WASHC5: variants seen among roughly 807,000 people sequenced by gnomAD.
The protein encoded by WASHC5 is WASH complex subunit 5.
A neutral mutation model predicts 150.4 loss-of-function variants in WASHC5; 101 were observed. The ratio of observed to expected loss-of-function variants is 0.67; its 90% CI spans 0.57 to 0.79. WASHC5 has a LOEUF of 0.79. WASHC5 is among the 30% of genes least tolerant of loss of function. The probability of loss-of-function intolerance (pLI) is 0.00; values close to 1 mark genes in which losing one functional copy is unlikely to be tolerated. For synonymous variants in WASHC5, 467 were observed against 491.2 expected, an observed-to-expected ratio of 0.95 and a Z score of 0.65; for missense variants, 1,195 against 1,396.3, an observed-to-expected ratio of 0.86 and a Z score of 2.30.
At chr8:125,035,810 A>T (rs752876877) in intron 26 of WASHC5, among the ~76,000 whole-genome samples, 21 of 152,364 alleles carry the variant, frequency 1.4e-4, no homozygotes, top group Non-Finnish European at 2.2e-4. Flanking sequence ...AAAGCTTATG[A>T]AATAGGAAAG....
At chr8:125,035,801 A>C (rs1377222011) in intron 26 of WASHC5, among the ~76,000 whole-genome samples, 1 of 152,234 alleles carries the variant, frequency 6.6e-6, no homozygotes, top group African/African-American at 2.4e-5. Flanking sequence ...CACCCTAAAA[A>C]AGCTTATGAA....
Position 125,038,843 on chromosome 8 carries a change from T to C in WASHC5, c.3071A>G (p.Asn1024Ser). Residue 1024 changes from asparagine to serine, a missense_variant, in exon 25 of 29, where the codon AAC becomes AGC. Coordinates refer to ENST00000318410, the MANE Select transcript of WASHC5 (RefSeq NM_014846.4). ...TTAATTACTCACCTTATTCAGTGGG[T>C]TGTGAATGCCAGCTGCCTCCAGATA... ...TAYLEAAGIHNPLNKIYITTK... is the reference protein window; with the variant it reads ...TAYLEAAGIHSPLNKIYITTK... 3 of 1,613,988 alleles carry C rather than the reference T, an allele frequency of 1.9e-6. No homozygotes were observed. The highest frequency in any genetic ancestry group is 2.5e-6 in the Non-Finnish European group (3 of 1,179,904).
At chr8:125,087,383 A>G (rs564458452) in intron 1 of WASHC5, among the ~76,000 whole-genome samples, 2 of 152,236 alleles carry the variant, frequency 1.3e-5, no homozygotes, top group South Asian at 2.1e-4. Context: ...TGTCCTAAAA[A>G]CCACTAGAAG....
At position 125,067,530 on chromosome 8, in the gene WASHC5, A is replaced by T. The variant is rs55873854; in HGVS notation, c.1278+62T>A. On this transcript the variant is annotated intron_variant, in intron 10 of 28. Transcript: ENST00000318410. ...AGCAAGCAATCCTAGTCTTTTTTTT[A>T]AAAAATATTTTTAAGCATAAAAAAG... 215,671 of 1,400,628 alleles carry T rather than the reference A, an allele frequency of 0.15. 20,512 individuals are homozygous for T. Among genetic ancestry groups the T allele is most frequent in the Admixed American group, 0.34 (19,806 of 58,376 alleles). 86.8% of individuals were successfully genotyped at this position (1,400,628 alleles called of 1,614,324 possible). A position where few individuals can be genotyped will look rare whatever the true frequency, so the allele number is the denominator to read the frequency against.
chr8:125,059,613 C>T, intron 12 of WASHC5, 71 bp from the exon 13 acceptor site: 1 of 1,160,732 alleles, frequency 8.6e-7, no homozygotes. Flanking sequence ...TTCTTGAAAA[C>T]ACTTCAAATA....
In WASHC5 at chr8:125,047,108, G is replaced by A. The variant is rs140507126; in HGVS notation, c.2504+99C>T. On this transcript the variant is annotated intron_variant, in intron 20 of 28. Coordinates refer to ENST00000318410, the MANE Select transcript of WASHC5 (RefSeq NM_014846.4). ...GTCAGAATATGAGTTGACAAGTGCA[G>A]GACCCCCGTGACTGGAATAGGGGCT... The A allele has an allele frequency of 0.015, 22,075 of 1,426,902 alleles. 248 individuals are homozygous for A. The highest frequency in any genetic ancestry group is 0.018 in the Non-Finnish European group (17,937 of 1,014,532). 88.4% of individuals were successfully genotyped at this position (1,426,902 alleles called of 1,614,324 possible).
chr8:125,054,555 C>T lies in WASHC5; in HGVS notation c.2097+1036G>A, dbSNP rs568718942. On this transcript the variant is annotated intron_variant, in intron 17 of 28. Transcript: ENST00000318410. Reference sequence around the variant, plus strand: ...GGTCTGTTAAAAGACGGATATGGGCCGGGCGTGGTGGCTCATGCCTGTAAT... The same window carrying T: ...GGTCTGTTAAAAGACGGATATGGGCTGGGCGTGGTGGCTCATGCCTGTAAT... Among the ~76,000 whole-genome samples the T allele has an allele frequency of 4.1e-4, 63 of 152,186 alleles. 1 individual carries two copies. Among genetic ancestry groups the T allele is most frequent in the Middle Eastern group, 3.4e-3 (1 of 294 alleles).
At position 125,029,704 on chromosome 8, in the gene WASHC5, G is replaced by C. The variant is rs555974965; in HGVS notation, c.3336-997C>G. Among the ~76,000 whole-genome samples the C allele has an allele frequency of 5.9e-5, 9 of 152,322 alleles. No individual in the cohort carries two copies. The South Asian group carries it at 1.9e-3, about 32-fold the overall frequency. ...GGGAATACAGCAAAGTACATGCCAG[G>C]CTCCTTATAGAGCTAACGTTCCTTC... is the stretch of plus-strand genomic sequence containing the variant. On this transcript the variant is annotated intron_variant, in intron 27 of 28. Coordinates refer to ENST00000318410, the MANE Select transcript of WASHC5 (RefSeq NM_014846.4).
At chr8:125,078,674 A>G (rs1817134260) in intron 6 of WASHC5, 64 bp downstream of exon 6, 2 of 1,311,632 alleles carry the variant, frequency 1.5e-6, no homozygotes, top group Admixed American at 1.7e-5. Context: ...AGGAGTAATT[A>G]AAGAGGGAAG....
At chr8:125,028,731 C>G in intron 27 of WASHC5, 24 bp from the exon 28 acceptor site, 1 of 1,509,880 alleles carries the variant, frequency 6.6e-7, no homozygotes, top group Non-Finnish European at 9.2e-7. Flanking sequence ...CAGTTTAGAT[C>G]AATTAACTGC....
chr8:125,067,723 G>A lies in WASHC5; in HGVS notation c.1151-4C>T, dbSNP rs1374669071. ...CGTTTGTTGTTTGGGTCACAGGCTA[G>A]AAACAGGAAAAGTGTTACCTGCTTA... is the stretch of plus-strand genomic sequence containing the variant. On this transcript the variant is annotated splice_polypyrimidine_tract_variant and splice_region_variant and intron_variant, in intron 9 of 28. Coordinates refer to ENST00000318410, the MANE Select transcript of WASHC5 (RefSeq NM_014846.4). The A allele has an allele frequency of 6.2e-7, 1 of 1,613,420 alleles. No homozygotes were observed. Among genetic ancestry groups the A allele is most frequent in the South Asian group, 1.1e-5 (1 of 91,044 alleles).
intron 28 of WASHC5, among the ~76,000 whole-genome samples, chr8:125,026,231 T>G (rs543579070): frequency 1.3e-5 from 2 of 152,308 alleles, no homozygotes; most frequent in South Asian, 4.1e-4. Context: ...ATTTCTATTT[T>G]CTTGAAAACT....
intron 6 of WASHC5, 101 bp from the exon 7 acceptor site, chr8:125,076,601 A>G (rs1295901814): frequency 2.9e-6 from 4 of 1,377,544 alleles, no homozygotes; most frequent in East Asian, 4.7e-5. Context: ...CAGTTTTTCC[A>G]AAGCCCATCA....
intron 18 of WASHC5, among the ~76,000 whole-genome samples, chr8:125,049,671 A>C (rs1285847262): frequency 6.6e-6 from 1 of 151,990 alleles, no homozygotes; most frequent in African/African-American, 2.4e-5. Flanking sequence ...ACGTGATGAA[A>C]CCCCATCAAA....
chr8:125,052,424 C>G (rs894411745), intron 17 of WASHC5, among the ~76,000 whole-genome samples: 3 of 152,156 alleles, frequency 2.0e-5, no homozygotes, highest in Non-Finnish European at 4.4e-5. Context: ...TAACTGTTTT[C>G]ATATGGATCA....
intron 11 of WASHC5, among the ~76,000 whole-genome samples, chr8:125,061,654 CA>C (rs773518463): frequency 1.3e-5 from 2 of 152,066 alleles, no homozygotes; most frequent in Non-Finnish European, 2.9e-5. Flanking sequence ...AAGAAGAGAC[CA>C]ATATGACAGA....
At chr8:125,049,493 G>A (rs1015350993) in intron 18 of WASHC5, among the ~76,000 whole-genome samples, 3 of 152,110 alleles carry the variant, frequency 2.0e-5, no homozygotes, top group African/African-American at 7.2e-5. Context: ...GGAGGCGGAG[G>A]CTGCAGTGAG....
intron 16 of WASHC5, 80 bp from the exon 17 acceptor site, chr8:125,055,751 T>G (rs1313332164): frequency 1.1e-6 from 1 of 901,954 alleles, no homozygotes; most frequent in East Asian, 2.4e-5. Context: ...AAAGAACTTG[T>G]AGCTTTAGGA....
rs113632596 is a variant in WASHC5, at chr8:125,050,513, T to C, written c.2199+51A>G. The stretch of plus-strand genomic sequence containing the variant: ...AGGTTAAAAATGGCATTCTAGTCCA[T>C]GCTGCAAGCTGGGCGGAGAAGAGGA... On this transcript the variant is annotated intron_variant, in intron 18 of 28. Coordinates refer to ENST00000318410, the MANE Select transcript of WASHC5 (RefSeq NM_014846.4). 1.1e-5 allele frequency: 14 copies of C among 1,295,702 alleles called. No individual in the cohort carries two copies. The African/African-American group carries it at 1.2e-4, about 11-fold the overall frequency. The allele number at this position is 1,295,702 out of a possible 1,614,324, so 80.3% of individuals were successfully genotyped here.
Sources: allele counts gnomAD v4.1 joint callset (sites outside exome capture counted in the v4.1 genomes callset), GRCh38; gene constraint gnomAD v4.1.1; transcripts MANE v1.5; gene names NCBI Gene and HGNC (gene_info 2026-07-23, HGNC 2026-07-21).